The following MAN2B2 variants were observed in gnomAD, a reference collection of about 807,000 sequenced individuals.
MAN2B2 encodes the protein epididymis-specific alpha-mannosidase.
MAN2B2 carries 106 observed loss-of-function variants against 117.1 expected under a neutral mutation model. The observed-to-expected ratio is 0.90, with a 90% CI of 0.77 to 1.06. The LOEUF (loss-of-function observed/expected upper bound fraction) is 1.06. Ranked by LOEUF, MAN2B2 falls within the 50% of genes least tolerant of loss-of-function variation. MAN2B2 has a pLI of 0.00. For synonymous variants in MAN2B2, 544 were observed against 595.1 expected (o/e 0.91, Z 1.25); for missense variants, 1,326 against 1,381.4 (o/e 0.96, Z 0.64).
intron 11 of MAN2B2, among the ~76,000 whole-genome samples, chr4:6,607,204 TATTGATTG>T (rs894820448): frequency 6.6e-6 from 1 of 152,172 alleles, no homozygotes; most frequent in Non-Finnish European, 1.5e-5. Flanking sequence ...TCCCCCTTTT[TATTGATTG>T]ATTGATTGAT....
At chr4:6,598,068 G>T in intron 8 of MAN2B2, 130 bp from the exon 9 acceptor site, 1 of 960,174 alleles carries the variant, frequency 1.0e-6, no homozygotes, top group South Asian at 1.7e-5. Context: ...GTAAAATGGC[G>T]GGGACTGCCC....
At chr4:6,613,820 G>A (rs1036080697) in intron 15 of MAN2B2, among the ~76,000 whole-genome samples, 7 of 128,924 alleles carry the variant, frequency 5.4e-5, no homozygotes, top group African/African-American at 1.3e-4. Flanking sequence ...GAGGAAGGAA[G>A]GAAGGAAGGA....
chr4:6,610,331 A>G (rs1201503925), intron 13 of MAN2B2, among the ~76,000 whole-genome samples: 1 of 151,970 alleles, frequency 6.6e-6, no homozygotes, highest in African/African-American at 2.4e-5. Context: ...TAATTTTTAT[A>G]TTTTTAGTAG....
chr4:6,579,018 CCAT>C (rs1156282620), intron 3 of MAN2B2, among the ~76,000 whole-genome samples: 16 of 79,244 alleles, frequency 2.0e-4, no homozygotes, highest in Admixed American at 3.8e-4. Flanking sequence ...ACCACCACCA[CCAT>C]CACCATCACC....
In MAN2B2 at chr4:6,597,286, C is replaced by T. The variant is rs372236715; in HGVS notation, c.1231C>T (p.Arg411Cys). Residue 411 changes from arginine (R) to cysteine (C), a missense_variant, in exon 8 of 19, where the codon CGC (arginine) becomes TGC (cysteine). Transcript: ENST00000285599. Reference sequence around the variant, plus strand: ...GGCCCTGCAGCAGCTCCAGCAGCTTCGCTGGGCCGTCTCCGAGGTAACACC... The same window carrying T: ...GGCCCTGCAGCAGCTCCAGCAGCTTTGCTGGGCCGTCTCCGAGGTAACACC... Reference protein sequence around the residue: ...TWALQQLQQLRWAVSEVQHHD... With the variant: ...TWALQQLQQLCWAVSEVQHHD... 8.3e-5 allele frequency: 129 copies of T among 1,556,946 alleles called. No individual in the cohort carries two copies. The highest frequency in any genetic ancestry group is 4.0e-4 in the South Asian group (34 of 84,600).
intron 11 of MAN2B2, among the ~76,000 whole-genome samples, chr4:6,605,532 C>G (rs1727510236): frequency 6.6e-6 from 1 of 152,082 alleles, no homozygotes; most frequent in Admixed American, 6.5e-5. Context: ...CTTTTTCATT[C>G]CAGGGCTATT....
chr4:6,598,480 A>G (rs761581463), intron 9 of MAN2B2, 126 bp downstream of exon 9: 106 of 1,043,254 alleles, frequency 1.0e-4, no homozygotes, highest in Non-Finnish European at 1.4e-4. Context: ...GCCCTTCCCC[A>G]TGGTGAGAGC....
intron 3 of MAN2B2, among the ~76,000 whole-genome samples, chr4:6,579,099 G>GCAC (rs1332320457): frequency 4.6e-5 from 1 of 21,962 alleles, no homozygotes; most frequent in Non-Finnish European, 1.0e-4. Context: ...ACCATCACCA[G>GCAC]CACCACCACC....
intron 16 of MAN2B2, 68 bp from the exon 17 acceptor site, chr4:6,617,312 G>C: frequency 8.3e-7 from 1 of 1,208,502 alleles, no homozygotes; most frequent in Non-Finnish European, 1.2e-6. Context: ...AAAGCAGCGG[G>C]TATAGACCAG....
chr4:6,601,033 A>T (rs1041161059), intron 10 of MAN2B2, among the ~76,000 whole-genome samples: 2 of 152,146 alleles, frequency 1.3e-5, no homozygotes, highest in African/African-American at 2.4e-5. Context: ...CCAAAATCTC[A>T]CAAGACCCCT....
intron 16 of MAN2B2, among the ~76,000 whole-genome samples, chr4:6,616,862 T>C (rs1188450910): frequency 6.6e-6 from 1 of 152,176 alleles, no homozygotes; most frequent in East Asian, 1.9e-4. Context: ...AGCCTTGGTT[T>C]CCTTGTCGAG....
chr4:6,579,210 T>TCAC (rs1298854364), intron 3 of MAN2B2, among the ~76,000 whole-genome samples: 5 of 21,534 alleles, frequency 2.3e-4, no homozygotes, highest in Non-Finnish European at 4.2e-4. Context: ...ACCATCACCA[T>TCAC]CACCACCACC....
chr4:6,579,192 GCAC>G (rs1267829477), intron 3 of MAN2B2, among the ~76,000 whole-genome samples: 4 of 5,154 alleles, frequency 7.8e-4, no homozygotes, highest in African/African-American at 1.6e-3. Flanking sequence ...ACCATCACCA[GCAC>G]CACCACCATC....
chr4:6,615,122 G>A (rs146647936), intron 16 of MAN2B2, among the ~76,000 whole-genome samples: 6 of 152,348 alleles, frequency 3.9e-5, no homozygotes, highest in East Asian at 3.9e-4. Context: ...AGGGTGGGGC[G>A]CAGTGGCTCA....
At chr4:6,617,326 C>T in intron 16 of MAN2B2, 54 bp from the exon 17 acceptor site, 1 of 1,353,070 alleles carries the variant, frequency 7.4e-7, no homozygotes, top group Non-Finnish European at 1.1e-6. Context: ...AGACCAGGGA[C>T]ATTGGGGTTG....
chr4:6,621,260 T>A lies in MAN2B2; in HGVS notation c.3005T>A (p.Phe1002Tyr), dbSNP rs1712159059. ...GTCCACCCAAAGGAAATCCGGACGTTCTTTATTCACTTTCAACAGCAGTGA... is the reference window on the plus strand; with the variant it reads ...GTCCACCCAAAGGAAATCCGGACGTACTTTATTCACTTTCAACAGCAGTGA... ...ITVHPKEIRT[F>Y]FIHFQQQ The change falls in exon 19 of 19, where the codon TTC becomes TAC. Residue 1002 changes from phenylalanine to tyrosine, a missense_variant. Coordinates refer to ENST00000285599, the MANE Select transcript of MAN2B2 (RefSeq NM_015274.3). The A allele has an allele frequency of 6.2e-7, 1 of 1,613,900 alleles. No individual in the cohort carries two copies. Among genetic ancestry groups the A allele is most frequent in the African/African-American group, 1.3e-5 (1 of 74,898 alleles).
At chr4:6,619,802 CA>C (rs1162970512) in intron 17 of MAN2B2, 124 bp from the exon 18 acceptor site, 5 of 756,058 alleles carry the variant, frequency 6.6e-6, no homozygotes, top group African/African-American at 5.2e-5. Context: ...TGTCAGGCAC[CA>C]GGGGAGGACC....
chr4:6,579,736 A>C (rs1409158533), intron 3 of MAN2B2, among the ~76,000 whole-genome samples: 3 of 152,030 alleles, frequency 2.0e-5, no homozygotes, highest in African/African-American at 7.2e-5. Flanking sequence ...CTCCACAATC[A>C]TCATCACCAC....
chr4:6,604,199 C>T (rs1727441298), intron 10 of MAN2B2, among the ~76,000 whole-genome samples: 1 of 152,122 alleles, frequency 6.6e-6, no homozygotes, highest in Non-Finnish European at 1.5e-5. Context: ...AGTAAGGTCA[C>T]CGCAGGGAGG....
Sources: allele counts gnomAD v4.1 joint callset (sites outside exome capture counted in the v4.1 genomes callset), GRCh38; gene constraint gnomAD v4.1.1; transcripts MANE v1.5; gene names NCBI Gene and HGNC (gene_info 2026-07-23, HGNC 2026-07-21).